RAD18: variants seen among roughly 807,000 people sequenced by gnomAD.
RAD18 encodes E3 ubiquitin-protein ligase RAD18.
RAD18 carries 47 observed loss-of-function variants against 60.4 expected under a neutral mutation model. The observed-to-expected ratio is 0.78, with a 90% confidence interval of 0.62 to 0.99. RAD18 has a LOEUF of 0.99. Among genes scored for constraint, RAD18 ranks in the 50% least tolerant of loss-of-function variants. The probability of loss-of-function intolerance (pLI) is 0.00; values close to 1 mark genes in which losing one functional copy is unlikely to be tolerated. For missense variants in RAD18, 640 were observed against 593.3 expected, an observed-to-expected ratio of 1.08 and a Z score of -0.82; for synonymous variants, 225 against 195.5, an observed-to-expected ratio of 1.15 and a Z score of -1.26.
intron 2 of RAD18, among the ~76,000 whole-genome samples, chr3:8,950,555 A>G (rs976903747): frequency 3.3e-5 from 5 of 152,212 alleles, no homozygotes; most frequent in Admixed American, 6.5e-5. Context: ...TCATAGGACT[A>G]TAGAATGTGT....
chr3:8,939,412 G>A (rs1940707084), intron 6 of RAD18, 142 bp downstream of exon 6: 1 of 569,544 alleles, frequency 1.8e-6, no homozygotes, highest in South Asian at 3.1e-5. Context: ...ATTGGAAGAA[G>A]TGGCCAACAG....
At chr3:8,949,664 G>A (rs903976542) in intron 2 of RAD18, among the ~76,000 whole-genome samples, 1 of 149,488 alleles carries the variant, frequency 6.7e-6, no homozygotes, top group African/African-American at 2.6e-5. Flanking sequence ...TCCCCGAACT[G>A]GAGAGAGAGA....
At chr3:8,936,110 T>G (rs1940649074) in intron 6 of RAD18, 55 bp from the exon 7 acceptor site, 2 of 1,375,542 alleles carry the variant, frequency 1.5e-6, no homozygotes, top group African/African-American at 1.5e-5. Context: ...ATGCTTTTCA[T>G]GTAAAATGGC....
intron 12 of RAD18, among the ~76,000 whole-genome samples, chr3:8,887,863 C>G (rs1272020906): frequency 6.6e-6 from 1 of 152,150 alleles, no homozygotes; most frequent in South Asian, 2.1e-4. Flanking sequence ...CTGGTCAATT[C>G]TCAGAGACAG....
intron 10 of RAD18, among the ~76,000 whole-genome samples, chr3:8,900,102 C>T (rs1939876407): frequency 6.6e-6 from 1 of 152,162 alleles, no homozygotes; most frequent in African/African-American, 2.4e-5. Flanking sequence ...GTTTTTGTTA[C>T]ACTGAGAGAA....
intron 2 of RAD18, among the ~76,000 whole-genome samples, chr3:8,950,273 T>C (rs2124839860): frequency 6.6e-6 from 1 of 152,172 alleles, no homozygotes; most frequent in Non-Finnish European, 1.5e-5. Flanking sequence ...TGACCATAGG[T>C]GACCGCCCAC....
At chr3:8,943,034 C>T (rs1429504979) in intron 4 of RAD18, among the ~76,000 whole-genome samples, 2 of 152,176 alleles carry the variant, frequency 1.3e-5, no homozygotes, top group Non-Finnish European at 2.9e-5. Context: ...ATAAACAAAG[C>T]TCAAACAGAC....
Position 8,939,561 on chromosome 3 carries a change from G to T in RAD18, c.697C>A (p.Leu233Ile). ...CLSREEKKES[L>I]RSSVHKRKPL... ...TCTGCTCAACTTCCTTACCTTCTGA[G>T]GCTTTCCTTCTTCTCTTCGCGTGAT... The change falls in exon 6 of 13, where the codon CTC (leucine) becomes ATC (isoleucine). Residue 233 changes from leucine to isoleucine, a missense_variant. Transcript: ENST00000264926. 6.2e-7 allele frequency: 1 copy of T among 1,611,534 alleles called. No individual in the cohort carries two copies. Among genetic ancestry groups the T allele is most frequent in the Non-Finnish European group, 8.5e-7 (1 of 1,178,138 alleles).
intron 1 of RAD18, among the ~76,000 whole-genome samples, chr3:8,962,387 T>A (rs1941105064): frequency 6.6e-6 from 1 of 152,158 alleles, no homozygotes; most frequent in Admixed American, 6.5e-5. Context: ...CATGCAGATA[T>A]CTCAAGTCCC....
At chr3:8,900,150 C>T (rs193922) in intron 10 of RAD18, among the ~76,000 whole-genome samples, 93,439 of 151,982 alleles carry the variant, frequency 0.61, 29,949 homozygotes, top group Middle Eastern at 0.71. Flanking sequence ...TAAAAATATG[C>T]TCCTAATGTC....
Position 8,958,927 on chromosome 3 carries a change from T to C in RAD18, c.126A>G (p.Ser42=), listed in dbSNP as rs1941054128. The stretch of plus-strand genomic sequence containing the variant: ...GGAACAAAACATACTTACAGTTATG[T>C]GAACACTGAGGTATTATCATTGCAA... ...FNIAMIIPQC[S]HNYCSLCIRK... The change falls in exon 2 of 13, where the codon TCA becomes TCG. Residue 42 remains serine (S), a synonymous_variant. Coordinates refer to ENST00000264926, the MANE Select transcript of RAD18 (RefSeq NM_020165.4). The C allele has an allele frequency of 1.9e-6, 3 of 1,612,170 alleles. No homozygotes were observed. The highest frequency in any genetic ancestry group is 2.5e-6 in the Non-Finnish European group (3 of 1,178,446).
In RAD18 at chr3:8,906,318, A is replaced by G. The variant is rs542851965; in HGVS notation, c.1028-3798T>C. ...TCCCAATTTAAATAACAAACTTTAAAAAACAAGCAAACAAAACCCTCCCTT... is the reference window on the plus strand; with the variant it reads ...TCCCAATTTAAATAACAAACTTTAAGAAACAAGCAAACAAAACCCTCCCTT... On this transcript the variant is annotated intron_variant, in intron 9 of 12. Transcript: ENST00000264926. Among the ~76,000 whole-genome samples, 7 of 152,306 alleles carry G rather than the reference A, an allele frequency of 4.6e-5. No homozygotes were observed. In the East Asian group the frequency reaches 1.2e-3, roughly 25 times the overall value.
At chr3:8,935,755 T>C (rs1575555230) in intron 7 of RAD18, 116 bp downstream of exon 7, 1 of 1,001,570 alleles carries the variant, frequency 1.0e-6, no homozygotes, top group Non-Finnish European at 1.4e-6. Context: ...CATTTGCACG[T>C]CTTATCTATC....
intron 10 of RAD18, among the ~76,000 whole-genome samples, chr3:8,899,737 T>C (rs1470620316): frequency 2.0e-5 from 3 of 152,194 alleles, no homozygotes; most frequent in Non-Finnish European, 4.4e-5. Flanking sequence ...AGTGGAAGAA[T>C]ATCTGTGAAA....
At chr3:8,942,994 C>T (rs1031098193) in intron 4 of RAD18, among the ~76,000 whole-genome samples, 1 of 152,202 alleles carries the variant, frequency 6.6e-6, no homozygotes, top group Non-Finnish European at 1.5e-5. Flanking sequence ...AAAGACCACA[C>T]CTTAGAAAAA....
chr3:8,924,057 C>A (rs1203017529), intron 7 of RAD18, among the ~76,000 whole-genome samples: 4 of 152,136 alleles, frequency 2.6e-5, no homozygotes, highest in African/African-American at 9.7e-5. Flanking sequence ...CAAATTCACA[C>A]ATAATATTAA....
intron 2 of RAD18, among the ~76,000 whole-genome samples, chr3:8,956,769 G>A (rs1001938657): frequency 4.0e-5 from 4 of 100,772 alleles, no homozygotes; most frequent in Middle Eastern, 4.4e-3. Context: ...AAATCCTCTC[G>A]CCTAACCAGG....
chr3:8,938,866 A>G (rs1234318660), intron 6 of RAD18, among the ~76,000 whole-genome samples: 1 of 152,168 alleles, frequency 6.6e-6, no homozygotes, highest in Non-Finnish European at 1.5e-5. Flanking sequence ...ATGCCTTGCA[A>G]TTTAAGTTTG....
At chr3:8,937,179 A>G (rs1436399191) in intron 6 of RAD18, among the ~76,000 whole-genome samples, 3 of 152,246 alleles carry the variant, frequency 2.0e-5, no homozygotes, top group Non-Finnish European at 4.4e-5. Context: ...CTCAGTAGGT[A>G]GCAACAGCTG....
Sources: gnomAD v4.1 joint callset for allele counts (sites outside exome capture counted in the v4.1 genomes callset) on GRCh38, gnomAD v4.1.1 for gene constraint, MANE v1.5 for transcripts, NCBI Gene and HGNC (gene_info 2026-07-23, HGNC 2026-07-21) for gene names.